Variants in RUNX1T1 observed in about 807,000 individuals in gnomAD.
RUNX1T1 encodes RUNX1 partner transcriptional co-repressor 1, also known as protein CBFA2T1.
In RUNX1T1, 4 loss-of-function variants were observed where a neutral mutation model predicts 62.8. The observed-to-expected ratio is 0.06, with a 90% CI of 0.03 to 0.15. The LOEUF is 0.15. RUNX1T1 is among the 10% of genes least tolerant of loss of function. RUNX1T1 has a pLI of 1.00. For synonymous variants in RUNX1T1, 291 were observed against 286.0 expected, an observed-to-expected ratio of 1.02 and a Z score of -0.18; for missense variants, 508 against 754.3, an observed-to-expected ratio of 0.67 and a Z score of 3.82.
chr8:92,074,290 C>T, intron 2 of RUNX1T1, among the ~76,000 whole-genome samples: 1 of 152,204 alleles, frequency 6.6e-6, no homozygotes, highest in Non-Finnish European at 1.5e-5. Context: ...ATCTTCCATG[C>T]TGCAATGGTT....
chr8:92,029,057 C>T (rs562333677), intron 1 of RUNX1T1, among the ~76,000 whole-genome samples: 2 of 152,108 alleles, frequency 1.3e-5, no homozygotes, highest in Non-Finnish European at 2.9e-5. Flanking sequence ...TTATGATCAT[C>T]CAGATAGTAA....
At chr8:92,055,216 T>C (rs1023722991) in intron 1 of RUNX1T1, among the ~76,000 whole-genome samples, 1 of 152,022 alleles carries the variant, frequency 6.6e-6, no homozygotes, top group Non-Finnish European at 1.5e-5. Context: ...TGGTACCAAA[T>C]GTTTTACACT....
chr8:91,993,945 T>C (rs1016337266), intron 5 of RUNX1T1, among the ~76,000 whole-genome samples: 7 of 152,108 alleles, frequency 4.6e-5, no homozygotes, highest in African/African-American at 1.7e-4. Flanking sequence ...TGAGCCGAGA[T>C]TGTGCCACTG....
At chr8:92,054,595 C>T (rs1830736571) in intron 1 of RUNX1T1, among the ~76,000 whole-genome samples, 1 of 152,178 alleles carries the variant, frequency 6.6e-6, no homozygotes, top group Non-Finnish European at 1.5e-5. Flanking sequence ...CACTGATTCA[C>T]AATCAGGCAT....
intron 8 of RUNX1T1, among the ~76,000 whole-genome samples, chr8:91,985,590 T>C (rs891681340): frequency 6.6e-6 from 1 of 152,138 alleles, no homozygotes; most frequent in Non-Finnish European, 1.5e-5. Flanking sequence ...ATATATAGCT[T>C]CTAGGTCTCT....
chr8:92,004,886 C>G (rs1467871627), intron 5 of RUNX1T1: 2 of 430,030 alleles, frequency 4.7e-6, no homozygotes, highest in Admixed American at 4.3e-5. Context: ...CGCTTTAATA[C>G]TACAAGCAGA....
intron 8 of RUNX1T1, among the ~76,000 whole-genome samples, chr8:91,985,893 C>T (rs1448238445): frequency 1.3e-5 from 2 of 152,164 alleles, no homozygotes; most frequent in Non-Finnish European, 2.9e-5. Flanking sequence ...GAAACGCTGC[C>T]ATCAGCTCAA....
chr8:91,967,801 T>C (rs989638032), intron 10 of RUNX1T1, among the ~76,000 whole-genome samples: 12 of 152,184 alleles, frequency 7.9e-5, no homozygotes, highest in African/African-American at 1.4e-4. Context: ...ATTTGGATTA[T>C]ATAGTTCATA....
intron 5 of RUNX1T1, among the ~76,000 whole-genome samples, chr8:91,997,813 C>T (rs1014706263): frequency 1.4e-4 from 21 of 152,164 alleles, no homozygotes; most frequent in Non-Finnish European, 2.4e-4. Context: ...AAGTCCCATC[C>T]CTAGACTGTA....
At chr8:92,053,594 G>A (rs1830561786) in intron 1 of RUNX1T1, among the ~76,000 whole-genome samples, 1 of 152,138 alleles carries the variant, frequency 6.6e-6, no homozygotes, top group South Asian at 2.1e-4. Flanking sequence ...CAATAAAGTT[G>A]TGGGCCACAA....
intron 1 of RUNX1T1, among the ~76,000 whole-genome samples, chr8:92,040,607 G>A (rs1290109313): frequency 6.6e-6 from 1 of 152,188 alleles, no homozygotes; most frequent in African/African-American, 2.4e-5. Flanking sequence ...TGAACCAACT[G>A]GGAGTTAGGT....
At chr8:92,033,616 C>G (rs537734847) in intron 1 of RUNX1T1, among the ~76,000 whole-genome samples, 2 of 152,230 alleles carry the variant, frequency 1.3e-5, no homozygotes, top group Non-Finnish European at 2.9e-5. Flanking sequence ...AAAACCCTGT[C>G]TCAGCCTCCC....
intron 1 of RUNX1T1, among the ~76,000 whole-genome samples, chr8:92,034,418 A>T (rs1382349912): frequency 6.6e-6 from 1 of 152,128 alleles, no homozygotes; most frequent in Non-Finnish European, 1.5e-5. Context: ...CAGTTTCACT[A>T]AAAGTTGAGG....
At chr8:92,028,894 A>G (rs1288691806) in intron 1 of RUNX1T1, among the ~76,000 whole-genome samples, 1 of 152,180 alleles carries the variant, frequency 6.6e-6, no homozygotes, top group African/African-American at 2.4e-5. Flanking sequence ...AACAAAAACA[A>G]GTCATTAGTG....
chr8:92,053,683 T>C (rs1333603154), intron 1 of RUNX1T1, among the ~76,000 whole-genome samples: 1 of 152,248 alleles, frequency 6.6e-6, no homozygotes, highest in Non-Finnish European at 1.5e-5. Context: ...ATAAGATTCA[T>C]TTCTTAATTT....
chr8:91,989,591 G>T (rs887342365), intron 6 of RUNX1T1, among the ~76,000 whole-genome samples: 1 of 152,106 alleles, frequency 6.6e-6, no homozygotes, highest in Admixed American at 6.6e-5. Flanking sequence ...TAGTGCACTG[G>T]AACTAATATT....
intron 1 of RUNX1T1, among the ~76,000 whole-genome samples, chr8:92,020,825 C>CT (rs372324370): frequency 0.13 from 17,246 of 130,576 alleles, 2,425 homozygotes; most frequent in African/African-American, 0.36. Context: ...TTCCCATTTC[C>CT]TTTTTTTTTT....
At chr8:92,091,726 G>C (rs1463494902) in intron 1 of RUNX1T1, among the ~76,000 whole-genome samples, 1 of 152,196 alleles carries the variant, frequency 6.6e-6, no homozygotes, top group Non-Finnish European at 1.5e-5. Flanking sequence ...AGATATGCCA[G>C]CATGACATGC....
chr8:92,056,904 A>C (rs1052005928), intron 1 of RUNX1T1, among the ~76,000 whole-genome samples: 2 of 152,214 alleles, frequency 1.3e-5, no homozygotes, highest in Non-Finnish European at 2.9e-5. Flanking sequence ...AGCCAGGATG[A>C]CCACATTCCA....
Sources: gnomAD v4.1 joint callset for allele counts (sites outside exome capture counted in the v4.1 genomes callset) on GRCh38, gnomAD v4.1.1 for gene constraint, MANE v1.5 for transcripts, NCBI Gene and HGNC (gene_info 2026-07-23, HGNC 2026-07-21) for gene names.